Variants in CREB3L1 observed in about 807,000 individuals in gnomAD.
The protein encoded by CREB3L1 is cAMP responsive element binding protein 3 like 1.
CREB3L1 carries 33 observed loss-of-function variants against 54.5 expected under a neutral mutation model. That is an observed-to-expected ratio of 0.61 (90% CI 0.46 to 0.81). The LOEUF (loss-of-function observed/expected upper bound fraction) is 0.81. Ranked by LOEUF, CREB3L1 falls within the 30% of genes least tolerant of loss-of-function variation. CREB3L1 has a pLI of 0.00. For missense variants in CREB3L1, 656 were observed against 673.3 expected, an observed-to-expected ratio of 0.97 and a Z score of 0.29; for synonymous variants, 284 against 286.4, an observed-to-expected ratio of 0.99 and a Z score of 0.08.
chr11:46,313,065 G>A, intron 8 of CREB3L1, 146 bp downstream of exon 8: 2 of 631,122 alleles, frequency 3.2e-6, no homozygotes, highest in East Asian at 2.8e-5. Context: ...GCAGCCTTGG[G>A]CCACTTACAT....
At chr11:46,317,659 G>T (rs1240392811) in intron 10 of CREB3L1, among the ~76,000 whole-genome samples, 172 bp downstream of exon 10, 2 of 152,202 alleles carry the variant, frequency 1.3e-5, no homozygotes, top group Non-Finnish European at 2.9e-5. Context: ...TCTATGCTTT[G>T]CTCAGTGTTT....
At chr11:46,317,604 A>C in intron 10 of CREB3L1, 117 bp downstream of exon 10, 123 of 1,268,406 alleles carry the variant, frequency 9.7e-5, no homozygotes, top group Non-Finnish European at 1.2e-4. Context: ...GCATTATCTC[A>C]TTTTGCCTCA....
intron 1 of CREB3L1, among the ~76,000 whole-genome samples, chr11:46,283,329 T>C (rs1451177773): frequency 1.3e-5 from 2 of 152,186 alleles, no homozygotes; most frequent in African/African-American, 4.8e-5. Flanking sequence ...AAAGTAAAAA[T>C]TGTGACACCT....
rs780829753 is a variant in CREB3L1, at chr11:46,320,477, G to A, written c.1472G>A (p.Gly491Glu). The A allele has an allele frequency of 6.3e-7, 1 of 1,598,638 alleles. No homozygotes were observed. The highest frequency in any genetic ancestry group is 1.1e-5 in the South Asian group (1 of 88,886). ...AGTGAGGCCTGGCCTAAAGACGGTG[G>A]AAACGGCACCAGCCCCGACTTCTCC... ...YLSEAWPKDG[G>E]NGTSPDFSHS... Residue 491 changes from glycine (G) to glutamate (E), a missense_variant, in exon 11 of 12, where the codon GGA (glycine) becomes GAA (glutamate). By Grantham distance (98) the Gly-to-Glu change is moderately conservative. This residue lies in a region of CREB3L1 where 240 missense variants were observed against 219.8 expected (regional missense o/e 1.09). Transcript: ENST00000621158.
At chr11:46,288,501 A>C (rs1407451052) in intron 1 of CREB3L1, among the ~76,000 whole-genome samples, 1 of 152,218 alleles carries the variant, frequency 6.6e-6, no homozygotes. Flanking sequence ...CCTCGCAGGA[A>C]TATCCCACCT....
Position 46,278,175 on chromosome 11 carries a change from T to C in CREB3L1, c.64T>C (p.Leu22=). Residue 22 remains leucine, a synonymous_variant, in exon 1 of 12, where the codon TTG becomes CTG. Transcript: ENST00000621158. This position sits in a 1 kb window ranked among gnomAD's most constrained non-coding sequence, Gnocchi z 4.2. ...GTTCCCCGGATCCAGCTTCCTGGAC[T>C]TGGGGGATCTGAACGAGTCGGACTT... ...RLFPGSSFLD[L]GDLNESDFLN... 6.3e-7 allele frequency: 1 copy of C among 1,577,940 alleles called. No individual in the cohort carries two copies.
chr11:46,305,695 T>G lies in CREB3L1; in HGVS notation c.332-2121T>G, dbSNP rs1285175100. Among the ~76,000 whole-genome samples the G allele has an allele frequency of 1.2e-4, 9 of 74,454 alleles. No homozygotes were observed. The South Asian group carries it at 3.4e-3, about 28-fold the overall frequency. 48.8% of individuals were successfully genotyped at this position (74,454 alleles called of 152,430 possible). A position where few individuals can be genotyped will look rare whatever the true frequency, so the allele number is the denominator to read the frequency against. On this transcript the variant is annotated intron_variant, in intron 2 of 11. Transcript: ENST00000621158. Reference sequence around the variant, plus strand: ...ATATGTGTGTGTGTGTATATATGTGTGTGTGTGTGTGTGTGTGTGTGTGTG... The same window carrying G: ...ATATGTGTGTGTGTGTATATATGTGGGTGTGTGTGTGTGTGTGTGTGTGTG...
At chr11:46,314,464 G>A (rs896832855) in intron 8 of CREB3L1, among the ~76,000 whole-genome samples, 31 of 151,876 alleles carry the variant, frequency 2.0e-4, no homozygotes, top group Non-Finnish European at 2.1e-4. Flanking sequence ...ATAGCTCACT[G>A]CAGCCTCAAA....
chr11:46,285,272 G>T (rs574636980), intron 1 of CREB3L1, among the ~76,000 whole-genome samples: 39 of 152,322 alleles, frequency 2.6e-4, no homozygotes, highest in African/African-American at 8.4e-4. Context: ...AGATGCTGGA[G>T]AACAGGCTGT....
At chr11:46,316,545 A>G (rs1325597578) in intron 9 of CREB3L1, among the ~76,000 whole-genome samples, 160 bp downstream of exon 9, 1 of 152,152 alleles carries the variant, frequency 6.6e-6, no homozygotes, top group African/African-American at 2.4e-5. Context: ...AGCAGACTCC[A>G]GACTCCTTCT....
chr11:46,285,456 T>C (rs1189464484), intron 1 of CREB3L1, among the ~76,000 whole-genome samples: 1 of 152,092 alleles, frequency 6.6e-6, no homozygotes, highest in African/African-American at 2.4e-5. Context: ...GGTGGGATTG[T>C]CTGGTTCAGG....
intron 1 of CREB3L1, among the ~76,000 whole-genome samples, chr11:46,291,475 G>A (rs1490651033): frequency 6.6e-6 from 1 of 152,200 alleles, no homozygotes; most frequent in Non-Finnish European, 1.5e-5. Context: ...ACAGTGTATA[G>A]CAGAACCAGG....
At chr11:46,282,576 T>A (rs968172580) in intron 1 of CREB3L1, among the ~76,000 whole-genome samples, 15 of 152,308 alleles carry the variant, frequency 9.8e-5, no homozygotes, top group Admixed American at 2.6e-4. Flanking sequence ...CTGGACTGCT[T>A]TTCCCCCAGT....
Position 46,318,945 on chromosome 11 carries a change from G to A in CREB3L1, c.1259-1319G>A, listed in dbSNP as rs142852126. ...AGAGTGAAAGCTCCTCCCCGGACAC[G>A]TGCAGGCTGAGGAGGAGAGAACGGG... is the stretch of plus-strand genomic sequence containing the variant. On this transcript the variant is annotated intron_variant, in intron 10 of 11. Coordinates refer to ENST00000621158, the MANE Select transcript of CREB3L1 (RefSeq NM_052854.4). Among the ~76,000 whole-genome samples, 239 of 152,242 alleles carry A rather than the reference G, an allele frequency of 1.6e-3. 1 individual carries two copies. The highest frequency in any genetic ancestry group is 5.6e-3 in the African/African-American group (231 of 41,540).
chr11:46,301,616 T>C (rs1345121695), intron 2 of CREB3L1, among the ~76,000 whole-genome samples: 1 of 150,656 alleles, frequency 6.6e-6, no homozygotes, highest in Non-Finnish European at 1.5e-5. Context: ...TGAGCCAAGA[T>C]TGCGCCATTG....
intron 3 of CREB3L1, among the ~76,000 whole-genome samples, chr11:46,309,745 C>A (rs1391649833): frequency 1.3e-5 from 2 of 152,236 alleles, no homozygotes; most frequent in East Asian, 3.8e-4. Flanking sequence ...AGAGGCTCAC[C>A]TTCTCTGAGC....
At position 46,321,313 on chromosome 11, in the gene CREB3L1, G is replaced by T; in HGVS notation, c.*567G>T. 4.0e-6 allele frequency: 1 copy of T among 249,244 alleles called. No homozygotes were observed. The highest frequency in any genetic ancestry group is 5.6e-5 in the East Asian group (1 of 17,788). 15.4% of individuals were successfully genotyped at this position (249,244 alleles called of 1,614,324 possible). A position where few individuals can be genotyped will look rare whatever the true frequency, so the allele number is the denominator to read the frequency against. On this transcript the variant is annotated 3_prime_UTR_variant, in exon 12 of 12. Coordinates refer to ENST00000621158, the MANE Select transcript of CREB3L1 (RefSeq NM_052854.4). ...GACCCTCACCTGGCACCCCCCTGCT[G>T]CTGCCCAAGCCGCTGGGCCTTTTTA...
At chr11:46,319,497 T>C (rs1939615926) in intron 10 of CREB3L1, among the ~76,000 whole-genome samples, 1 of 152,210 alleles carries the variant, frequency 6.6e-6, no homozygotes, top group African/African-American at 2.4e-5. Context: ...AAATGATGGG[T>C]GTCCAACAAA....
intron 1 of CREB3L1, among the ~76,000 whole-genome samples, chr11:46,283,833 T>C (rs1157069085): frequency 6.6e-6 from 1 of 152,040 alleles, no homozygotes; most frequent in Admixed American, 6.5e-5. Flanking sequence ...CAGTGAGCTA[T>C]TATCACGCCA....
Sources: allele counts gnomAD v4.1 joint callset (sites outside exome capture counted in the v4.1 genomes callset), GRCh38; gene constraint gnomAD v4.1.1; regional missense constraint gnomAD v4.1.1; non-coding constraint Gnocchi (gnomAD v3.1); transcripts MANE v1.5; gene names NCBI Gene and HGNC (gene_info 2026-07-23, HGNC 2026-07-21).